Variants in CSGALNACT1 observed in about 807,000 individuals in gnomAD.
CSGALNACT1 encodes chondroitin sulfate N-acetylgalactosaminyltransferase 1.
Under a neutral mutation model 51.0 loss-of-function variants are expected in CSGALNACT1, and 52 were observed. The ratio of observed to expected loss-of-function variants is 1.02; its 90% CI spans 0.82 to 1.29. The LOEUF (loss-of-function observed/expected upper bound fraction) is 1.29. CSGALNACT1 is among the 50% of genes most tolerant of loss of function. CSGALNACT1 has a pLI of 0.00. For synonymous variants in CSGALNACT1, 341 were observed against 254.4 expected (o/e 1.34, Z -3.24); for missense variants, 935 against 679.2 (o/e 1.38, Z -4.19).
chr8:19,728,587 G>A lies in CSGALNACT1; in HGVS notation c.-297+29263C>T, dbSNP rs151325261. 6.0e-3 allele frequency among the ~76,000 whole-genome samples: 914 copies of A among 152,004 alleles called. 5 individuals carry two copies. Among genetic ancestry groups the A allele is most frequent in the Non-Finnish European group, 8.0e-3 (546 of 67,986 alleles). On this transcript the variant is annotated intron_variant, in intron 1 of 1. Transcript: ENST00000517494. ...GACTTGTTCTAATCTGAGTACACAC[G>A]CACACACACTCTCATTGATTTCCAG...
At chr8:19,715,070 C>T (rs1026423212) in intron 1 of CSGALNACT1, among the ~76,000 whole-genome samples, 9 of 152,166 alleles carry the variant, frequency 5.9e-5, no homozygotes, top group East Asian at 5.8e-4. Flanking sequence ...TCCACATGGC[C>T]GGGGAAGCCT....
At chr8:19,501,348 C>G (rs922448267) in intron 4 of CSGALNACT1, among the ~76,000 whole-genome samples, 1 of 152,012 alleles carries the variant, frequency 6.6e-6, no homozygotes, top group African/African-American at 2.4e-5. Flanking sequence ...GACAGAGGAG[C>G]CCTCATGGCC....
chr8:19,439,177 A>C (rs2060892051), intron 6 of CSGALNACT1, among the ~76,000 whole-genome samples: 1 of 152,252 alleles, frequency 6.6e-6, no homozygotes, highest in South Asian at 2.1e-4. Flanking sequence ...TTATAGGGAA[A>C]AAAATCCATC....
At chr8:19,649,982 G>C (rs1474039427) in intron 1 of CSGALNACT1, among the ~76,000 whole-genome samples, 1 of 152,080 alleles carries the variant, frequency 6.6e-6, no homozygotes, top group Non-Finnish European at 1.5e-5. Context: ...TAAAAGGTCT[G>C]TGAGGTAGGG....
intron 1 of CSGALNACT1, among the ~76,000 whole-genome samples, chr8:19,704,595 T>G (rs1335826785): frequency 2.6e-5 from 4 of 152,120 alleles, no homozygotes; most frequent in African/African-American, 7.2e-5. Flanking sequence ...GGAAATAAAA[T>G]CACTTTTTCA....
intron 1 of CSGALNACT1, among the ~76,000 whole-genome samples, chr8:19,679,337 C>T (rs4922083): frequency 0.88 from 133,179 of 152,034 alleles, 58,591 homozygotes; most frequent in Middle Eastern, 0.96. Flanking sequence ...CATCTCTAGT[C>T]CCAGCTACTT....
rs376979679 is a variant in CSGALNACT1 at position 19,406,075 on chromosome 8, G to A, written c.1310-6C>T. On this transcript the variant is annotated splice_polypyrimidine_tract_variant and splice_region_variant and intron_variant, in intron 9 of 9. Coordinates refer to ENST00000454498, the Ensembl canonical transcript of CSGALNACT1. ...GATGTCCAGATCAAACCCACCTGTC[G>A]GGACAGAACACACTGTTGAATCACA... 1.9e-6 allele frequency: 3 copies of A among 1,613,830 alleles called. No individual in the cohort carries two copies. The highest frequency in any genetic ancestry group is 2.7e-5 in the African/African-American group (2 of 74,846).
chr8:19,674,146 A>G (rs2059994663), intron 1 of CSGALNACT1, among the ~76,000 whole-genome samples: 1 of 152,204 alleles, frequency 6.6e-6, no homozygotes, highest in Non-Finnish European at 1.5e-5. Flanking sequence ...AAAAAGAATT[A>G]GCCAGGTGTG....
At chr8:19,537,601 G>T (rs1332967929) in intron 3 of CSGALNACT1, among the ~76,000 whole-genome samples, 1 of 152,144 alleles carries the variant, frequency 6.6e-6, no homozygotes, top group African/African-American at 2.4e-5. Context: ...CCTACAGGAT[G>T]GGAAGCCTGC....
Position 19,457,825 on chromosome 8 carries a change from T to C in CSGALNACT1, c.851+601A>G, listed in dbSNP as rs572001953. The C allele has an allele frequency of 2.1e-5, 28 of 1,350,616 alleles. No individual in the cohort carries two copies. In the East Asian group the frequency reaches 5.9e-4, roughly 29 times the overall value. The allele number at this position is 1,350,616 out of a possible 1,614,324, so 83.7% of individuals were successfully genotyped here. Reference sequence around the variant, plus strand: ...AAACTTCATCAGCAGGCCTGAAAAATGAAACCCAGCTTAGTCTCATTGAGT... The same window carrying C: ...AAACTTCATCAGCAGGCCTGAAAAACGAAACCCAGCTTAGTCTCATTGAGT... On this transcript the variant is annotated intron_variant, in intron 5 of 9. Coordinates refer to ENST00000454498, the Ensembl canonical transcript of CSGALNACT1.
chr8:19,630,941 A>T (rs1296811412), intron 1 of CSGALNACT1, among the ~76,000 whole-genome samples: 3 of 152,154 alleles, frequency 2.0e-5, no homozygotes, highest in East Asian at 1.9e-4. Context: ...TACATTTGTT[A>T]CAACTGACGA....
chr8:19,584,371 T>G (rs567649326), intron 3 of CSGALNACT1, among the ~76,000 whole-genome samples: 1 of 152,164 alleles, frequency 6.6e-6, no homozygotes, highest in Non-Finnish European at 1.5e-5. Flanking sequence ...ATTTTCACAT[T>G]AGAATGTCAA....
chr8:19,756,393 G>A (rs1197720620), intron 1 of CSGALNACT1, among the ~76,000 whole-genome samples: 1 of 152,114 alleles, frequency 6.6e-6, no homozygotes, highest in South Asian at 2.1e-4. Context: ...AGTATTTCCC[G>A]AGGCTCACTG....
chr8:19,657,592 C>G (rs547739743), intron 1 of CSGALNACT1, among the ~76,000 whole-genome samples: 1 of 152,264 alleles, frequency 6.6e-6, no homozygotes, highest in African/African-American at 2.4e-5. Flanking sequence ...CAATGGAAGT[C>G]AAAATCCAGT....
At chr8:19,701,763 AC>A (rs1668682988) in intron 1 of CSGALNACT1, among the ~76,000 whole-genome samples, 1 of 152,206 alleles carries the variant, frequency 6.6e-6, no homozygotes, top group African/African-American at 2.4e-5. Context: ...TAAGTAATTT[AC>A]CCAAGATCTT....
chr8:19,443,280 A>G (rs2061608687), intron 5 of CSGALNACT1, among the ~76,000 whole-genome samples: 2 of 152,220 alleles, frequency 1.3e-5, no homozygotes, highest in South Asian at 4.1e-4. Context: ...ATATATGTGC[A>G]TGTAAATGTA....
At chr8:19,567,368 T>C (rs2042103446) in intron 3 of CSGALNACT1, among the ~76,000 whole-genome samples, 1 of 152,194 alleles carries the variant, frequency 6.6e-6, no homozygotes, top group Non-Finnish European at 1.5e-5. Flanking sequence ...CAATCCAAAA[T>C]ATTATGTTAA....
At chr8:19,673,522 C>G (rs957511723) in intron 1 of CSGALNACT1, among the ~76,000 whole-genome samples, 1 of 152,214 alleles carries the variant, frequency 6.6e-6, no homozygotes, top group African/African-American at 2.4e-5. Flanking sequence ...CCACTCTTGT[C>G]TGTCTTCAAG....
chr8:19,643,529 T>G (rs1421425906), intron 1 of CSGALNACT1, among the ~76,000 whole-genome samples: 1 of 151,962 alleles, frequency 6.6e-6, no homozygotes, highest in Non-Finnish European at 1.5e-5. Context: ...TCCCAGCTAC[T>G]TGGGAGGCTA....
Sources: gnomAD v4.1 joint callset for allele counts (sites outside exome capture counted in the v4.1 genomes callset) on GRCh38, gnomAD v4.1.1 for gene constraint, MANE v1.5 for transcripts, NCBI Gene and HGNC (gene_info 2026-07-23, HGNC 2026-07-21) for gene names.